ZNF469: variants seen among roughly 807,000 people sequenced by gnomAD.
ZNF469 encodes zinc finger protein 469.
In ZNF469, 1 loss-of-function variant was observed where a neutral mutation model predicts 1.0. The observed-to-expected ratio is 1.00, with a 90% CI of 0.35 to 4.73. The LOEUF is 4.73. Among genes scored for constraint, ZNF469 ranks in the 30% most tolerant of loss-of-function variants. The probability of loss-of-function intolerance (pLI) is 0.16; values close to 1 mark genes in which losing one functional copy is unlikely to be tolerated. For missense variants in ZNF469, 6,100 were observed against 5,356.3 expected (o/e 1.14, Z -4.33); for synonymous variants, 2,703 against 2,363.4 (o/e 1.14, Z -4.17).
chr16:88,269,599 G>T, the ZNF469 span, among the ~76,000 whole-genome samples: 1 of 152,120 alleles, frequency 6.6e-6, no homozygotes, highest in African/African-American at 2.4e-5. Flanking sequence ...GGGCTGCCCA[G>T]CTTCCTCCCA....
At chr16:88,138,272 A>G in the ZNF469 span, among the ~76,000 whole-genome samples, 1 of 152,144 alleles carries the variant, frequency 6.6e-6, no homozygotes, top group Non-Finnish European at 1.5e-5. Flanking sequence ...TGTAATCACA[A>G]TCCCGTTTAA....
Position 88,430,313 on chromosome 16 carries a change from G to T in ZNF469, c.2843G>T (p.Gly948Val). ...AGCCAGGGCAGGCAGCAGAGGAGGG[G>T]GAAGCAGTTGAAGCTGTTCCGGAAG... is the stretch of plus-strand genomic sequence containing the variant. Reference protein sequence around the residue: ...APSQGRQQRRGKQLKLFRKDL... With the variant: ...APSQGRQQRRVKQLKLFRKDL... Residue 948 changes from glycine (G) to valine (V), a missense_variant, in exon 3 of 3, where the codon GGG becomes GTG. Gly to Val is a moderately radical substitution (Grantham distance 109). Coordinates refer to ENST00000565624, the MANE Select transcript of ZNF469 (RefSeq NM_001367624.2). The T allele has an allele frequency of 6.6e-7, 1 of 1,515,356 alleles. No homozygotes were observed. The highest frequency in any genetic ancestry group is 8.8e-7 in the Non-Finnish European group (1 of 1,135,070). 93.9% of individuals were successfully genotyped at this position (1,515,356 alleles called of 1,614,324 possible). A position where few individuals can be genotyped will look rare whatever the true frequency, so the allele number is the denominator to read the frequency against.
the ZNF469 span, among the ~76,000 whole-genome samples, chr16:88,298,227 G>T: frequency 6.6e-6 from 1 of 152,206 alleles, no homozygotes; most frequent in Admixed American, 6.5e-5. Flanking sequence ...TGGAGAAGGG[G>T]CCTCTGGGCT....
upstream of ZNF469, among the ~76,000 whole-genome samples, chr16:88,382,906 G>T (rs2092528809): frequency 6.6e-6 from 1 of 151,694 alleles, no homozygotes; most frequent in East Asian, 1.9e-4. Context: ...GCTGGGGGGA[G>T]GGTGCGGGGG....
At chr16:88,321,077 GGTCCCAGGTTGACCAGGCTGCAGAGC>G in the ZNF469 span, among the ~76,000 whole-genome samples, 6 of 152,250 alleles carry the variant, frequency 3.9e-5, no homozygotes, top group Non-Finnish European at 5.9e-5. Flanking sequence ...TCAGCCAGTC[GGTCCCAGGTTGACCAGGCTGCAGAGC>G]GGCCCAGCCT....
chr16:88,429,718 C>T lies in ZNF469; in HGVS notation c.2248C>T (p.Arg750Trp), dbSNP rs1159782268. 3.9e-6 allele frequency: 6 copies of T among 1,543,446 alleles called. No individual in the cohort carries two copies. The highest frequency in any genetic ancestry group is 2.0e-5 in the Admixed American group (1 of 50,866). The change falls in exon 3 of 3, where the codon CGG becomes TGG. Residue 750 changes from arginine (R) to tryptophan (W), a missense_variant. Physicochemically the swap from Arg to Trp is moderately radical, Grantham distance 101. Coordinates refer to ENST00000565624, the MANE Select transcript of ZNF469 (RefSeq NM_001367624.2). Reference protein sequence around the residue: ...YSSLAAFLAHRQFCGLLLARA... With the variant: ...YSSLAAFLAHWQFCGLLLARA... Reference sequence around the variant, plus strand: ...CAGCCTGGCGGCCTTCCTGGCCCACCGGCAGTTCTGTGGCCTGCTCCTGGC... The same window carrying T: ...CAGCCTGGCGGCCTTCCTGGCCCACTGGCAGTTCTGTGGCCTGCTCCTGGC...
chr16:88,107,271 T>C, the ZNF469 span, among the ~76,000 whole-genome samples: 2 of 152,236 alleles, frequency 1.3e-5, no homozygotes, highest in Non-Finnish European at 2.9e-5. Flanking sequence ...AGAGGTTTAA[T>C]TGACTCACAG....
the ZNF469 span, among the ~76,000 whole-genome samples, chr16:88,339,812 G>C: frequency 3.8e-5 from 5 of 130,258 alleles, no homozygotes; most frequent in African/African-American, 1.5e-4. Context: ...ATGGTGGCAG[G>C]GGGACGAGGG....
At chr16:88,134,320 C>T in the ZNF469 span, among the ~76,000 whole-genome samples, 26 of 152,110 alleles carry the variant, frequency 1.7e-4, no homozygotes, top group African/African-American at 6.0e-4. Context: ...GTTGTACTCA[C>T]TCTTTGGGCA....
upstream of ZNF469, among the ~76,000 whole-genome samples, chr16:88,381,189 C>CAG (rs1199747988): frequency 3.9e-4 from 51 of 130,884 alleles, no homozygotes; most frequent in African/African-American, 1.6e-3. Context: ...CATGCACTCA[C>CAG]ACACATGCAT....
At chr16:88,340,193 G>A in the ZNF469 span, among the ~76,000 whole-genome samples, 1,073 of 152,294 alleles carry the variant, frequency 7.0e-3, 12 homozygotes, top group African/African-American at 0.024. Context: ...AGTCCAGGCC[G>A]GCACGGCAGC....
the ZNF469 span, among the ~76,000 whole-genome samples, chr16:88,205,833 G>A: frequency 6.6e-6 from 1 of 152,190 alleles, no homozygotes; most frequent in South Asian, 2.1e-4. This position sits in a 1 kb window ranked among gnomAD's most constrained non-coding sequence, Gnocchi z 4.2. Flanking sequence ...CAGAAAAAAT[G>A]ATGGCTTTAA....
chr16:88,283,871 G>C, the ZNF469 span, among the ~76,000 whole-genome samples: 1 of 142,696 alleles, frequency 7.0e-6, no homozygotes, highest in African/African-American at 2.7e-5. Context: ...TAGACCCCCA[G>C]TGTGTCCGGA....
At position 88,432,204 on chromosome 16, in the gene ZNF469, C is replaced by A; in HGVS notation, c.4734C>A (p.Ser1578Arg). Residue 1578 changes from serine to arginine, a missense_variant, in exon 3 of 3, where the codon AGC becomes AGA. Ser to Arg is a moderately radical substitution (Grantham distance 110). Transcript: ENST00000565624. ...VTELESQLQR[S>R]KDTRGAPREL... is the part of the protein sequence containing the mutation. ...AATTAGAAAGTCAGCTGCAAAGGAG[C>A]AAAGACACACGTGGGGCCCCGAGAG... is the stretch of plus-strand genomic sequence containing the variant. 1 of 1,550,184 alleles carries A rather than the reference C, an allele frequency of 6.5e-7. No individual in the cohort carries two copies. The highest frequency in any genetic ancestry group is 8.7e-7 in the Non-Finnish European group (1 of 1,146,994).
intron 1 of ZNF469, among the ~76,000 whole-genome samples, chr16:88,410,983 C>T (rs1306432465): frequency 6.6e-6 from 1 of 152,312 alleles, no homozygotes; most frequent in South Asian, 2.1e-4. Flanking sequence ...TCCATCTTCA[C>T]GTGGCCTCCT....
At chr16:88,198,652 G>A in the ZNF469 span, among the ~76,000 whole-genome samples, 27 of 152,316 alleles carry the variant, frequency 1.8e-4, no homozygotes, top group South Asian at 4.4e-3. Flanking sequence ...TGTACTTTGA[G>A]GCTGACGGGT....
chr16:88,213,326 C>G, the ZNF469 span, among the ~76,000 whole-genome samples: 6 of 152,082 alleles, frequency 3.9e-5, no homozygotes, highest in African/African-American at 1.4e-4. Context: ...GTCTCGATCT[C>G]CTGACCTCGT....
the ZNF469 span, among the ~76,000 whole-genome samples, chr16:88,169,824 G>C: frequency 6.6e-6 from 1 of 152,218 alleles, no homozygotes; most frequent in African/African-American, 2.4e-5. The surrounding 1 kb of genome is among the most constrained non-coding windows in gnomAD (Gnocchi z 6.1). Flanking sequence ...AGCGGTGCAT[G>C]AGGGTTCCTG....
chr16:88,176,675 G>A, the ZNF469 span, among the ~76,000 whole-genome samples: 3 of 152,254 alleles, frequency 2.0e-5, no homozygotes, highest in Non-Finnish European at 2.9e-5. Flanking sequence ...ATGACCGTGT[G>A]TTTGTCCTTG....
Sources: gnomAD v4.1 joint callset for allele counts (sites outside exome capture counted in the v4.1 genomes callset) on GRCh38, gnomAD v4.1.1 for gene constraint, Gnocchi (gnomAD v3.1) non-coding constraint, MANE v1.5 for transcripts, NCBI Gene and HGNC (gene_info 2026-07-23, HGNC 2026-07-21) for gene names.